The following CREB1 variants were observed in gnomAD, a reference collection of about 807,000 sequenced individuals.
CREB1 encodes the protein cyclic AMP-responsive element-binding protein 1.
A neutral mutation model predicts 42.0 loss-of-function variants in CREB1; 2 were observed. The observed-to-expected ratio is 0.05, with a 90% CI of 0.02 to 0.15. The LOEUF is 0.15. Among genes scored for constraint, CREB1 ranks in the 10% least tolerant of loss-of-function variants. The pLI is 1.00. For synonymous variants in CREB1, 123 were observed against 139.9 expected, an observed-to-expected ratio of 0.88 and a Z score of 0.85; for missense variants, 199 against 388.9, an observed-to-expected ratio of 0.51 and a Z score of 4.11.
At chr2:207,557,694 A>T (rs1175574735) in intron 2 of CREB1, among the ~76,000 whole-genome samples, 2 of 152,178 alleles carry the variant, frequency 1.3e-5, no homozygotes, top group African/African-American at 4.8e-5. Context: ...TTGAATGTAC[A>T]TGTGCCTTAA....
At chr2:207,544,931 G>A (rs1410499834) in intron 1 of CREB1, among the ~76,000 whole-genome samples, 1 of 152,148 alleles carries the variant, frequency 6.6e-6, no homozygotes, top group African/African-American at 2.4e-5. Flanking sequence ...GTATTTCATG[G>A]TGTGTATGTA....
At chr2:207,592,128 A>AT (rs1254696199) in intron 7 of CREB1, among the ~76,000 whole-genome samples, 2 of 152,202 alleles carry the variant, frequency 1.3e-5, no homozygotes, top group East Asian at 1.9e-4. Flanking sequence ...TGGGTTTATC[A>AT]TTTTTTTCTT....
chr2:207,543,286 C>G lies in CREB1; in HGVS notation c.-8-12342C>G, dbSNP rs760449935. On this transcript the variant is annotated intron_variant, in intron 1 of 7. Coordinates refer to ENST00000353267, the MANE Select transcript of CREB1 (RefSeq NM_004379.5). Reference sequence around the variant, plus strand: ...TCCACAGATGCTGAATCTTTGGATACAGAGGCCCAGTTGTAACTATGATCC... The same window carrying G: ...TCCACAGATGCTGAATCTTTGGATAGAGAGGCCCAGTTGTAACTATGATCC... Among the ~76,000 whole-genome samples, 3 of 152,076 alleles carry G rather than the reference C, an allele frequency of 2.0e-5. No individual in the cohort carries two copies. In the South Asian group the frequency reaches 6.2e-4, roughly 32 times the overall value.
chr2:207,557,079 A>G (rs1020707484), intron 2 of CREB1, among the ~76,000 whole-genome samples: 3 of 152,132 alleles, frequency 2.0e-5, no homozygotes, highest in African/African-American at 2.4e-5. Context: ...CAGAGGTTGC[A>G]GTGAACTGAG....
intron 7 of CREB1, among the ~76,000 whole-genome samples, chr2:207,582,585 A>G (rs1574912517): frequency 6.6e-6 from 1 of 152,040 alleles, no homozygotes; most frequent in Non-Finnish European, 1.5e-5. Context: ...CTTTTTAAGC[A>G]CATCTTTACT....
At chr2:207,543,893 G>A (rs1314171515) in intron 1 of CREB1, among the ~76,000 whole-genome samples, 3 of 149,476 alleles carry the variant, frequency 2.0e-5, no homozygotes, top group Non-Finnish European at 4.5e-5. Flanking sequence ...CGTGAGCCAC[G>A]GCGCCCAGCC....
chr2:207,604,444 A>G lies in CREB1; in HGVS notation c.*7386A>G, dbSNP rs2087707571. Among the ~76,000 whole-genome samples, 1 of 151,040 alleles carries G rather than the reference A, an allele frequency of 6.6e-6. No individual in the cohort carries two copies. ...GGAAACCTAGAAAAGCACTACCTTA[A>G]TCAGTGTTATCCTTCTTCTTAACTG... On this transcript the variant is annotated 3_prime_UTR_variant, in exon 8 of 8. Transcript: ENST00000353267.
At chr2:207,544,340 T>C (rs2081218374) in intron 1 of CREB1, among the ~76,000 whole-genome samples, 2 of 152,244 alleles carry the variant, frequency 1.3e-5, no homozygotes, top group South Asian at 4.1e-4. Context: ...TTACCATAAA[T>C]AGGCAGCTAT....
intron 2 of CREB1, among the ~76,000 whole-genome samples, chr2:207,556,497 A>C (rs942210998): frequency 2.0e-5 from 3 of 152,194 alleles, no homozygotes; most frequent in Admixed American, 2.0e-4. Context: ...ATGTAGCTTC[A>C]GTTTCTCCAA....
Position 207,600,853 on chromosome 2 carries a change from A to C in CREB1, c.*3795A>C, listed in dbSNP as rs1575064473. The C allele has an allele frequency of 4.9e-6, 1 of 205,110 alleles. No homozygotes were observed. The highest frequency in any genetic ancestry group is 7.4e-5 in the East Asian group (1 of 13,428). 12.7% of individuals were successfully genotyped at this position (205,110 alleles called of 1,614,324 possible). A position where few individuals can be genotyped will look rare whatever the true frequency, so the allele number is the denominator to read the frequency against. ...TGGGGTGACATGTGGAATCATACAA[A>C]GGCTTAGGAAGAAATACGTTTGTTT... On this transcript the variant is annotated 3_prime_UTR_variant, in exon 8 of 8. Transcript: ENST00000353267.
chr2:207,557,642 A>C (rs895858907), intron 2 of CREB1, among the ~76,000 whole-genome samples: 2 of 152,224 alleles, frequency 1.3e-5, no homozygotes, highest in Non-Finnish European at 2.9e-5. Context: ...TGGGTGACAG[A>C]GCGAGACTCC....
Position 207,602,986 on chromosome 2 carries a change from CT to C in CREB1, c.*5933del. On this transcript the variant is annotated 3_prime_UTR_variant, in exon 8 of 8. Coordinates refer to ENST00000353267, the MANE Select transcript of CREB1 (RefSeq NM_004379.5). ...GGGAAGTTCCTAGAAAGGTGTTTGG[CT>C]TTTTGGTTTTTGAGGGTTGGGGTAA... is the stretch of plus-strand genomic sequence containing the variant. The C allele has an allele frequency of 4.7e-6, 1 of 214,180 alleles. No individual in the cohort carries two copies. The highest frequency in any genetic ancestry group is 6.9e-5 in the East Asian group (1 of 14,406). The allele number at this position is 214,180 out of a possible 1,614,324, so 13.3% of individuals were successfully genotyped here. A position where few individuals can be genotyped will look rare whatever the true frequency, so the allele number is the denominator to read the frequency against.
intron 7 of CREB1, among the ~76,000 whole-genome samples, chr2:207,593,750 C>T (rs72958127): frequency 0.015 from 1,870 of 122,266 alleles, 18 homozygotes; most frequent in Non-Finnish European, 0.023. Flanking sequence ...GAGACGGAAA[C>T]ACCTATCACC....
intron 3 of CREB1, among the ~76,000 whole-genome samples, chr2:207,567,217 G>A (rs749149531): frequency 2.7e-4 from 41 of 151,808 alleles, no homozygotes; most frequent in Non-Finnish European, 5.0e-4. Flanking sequence ...ATGCATTCAG[G>A]ATTGATTACA....
chr2:207,583,670 T>TA (rs1324769563), intron 7 of CREB1, among the ~76,000 whole-genome samples: 3 of 152,220 alleles, frequency 2.0e-5, no homozygotes, highest in Non-Finnish European at 4.4e-5. Flanking sequence ...CCTAAGTTTT[T>TA]ATCCTTAAAT....
In CREB1 at chr2:207,603,631, G is replaced by T. The variant is rs1036513744; in HGVS notation, c.*6573G>T. Among the ~76,000 whole-genome samples, 1 of 152,154 alleles carries T rather than the reference G, an allele frequency of 6.6e-6. No individual in the cohort carries two copies. The highest frequency in any genetic ancestry group is 6.5e-5 in the Admixed American group (1 of 15,278). On this transcript the variant is annotated 3_prime_UTR_variant, in exon 8 of 8. Coordinates refer to ENST00000353267, the MANE Select transcript of CREB1 (RefSeq NM_004379.5). ...CAGGACAAAACCTGTTTTTCAATAA[G>T]ATTGAACAGTGCCTATTTGTGGATT... is the stretch of plus-strand genomic sequence containing the variant.
At chr2:207,557,899 G>C (rs2081794468) in intron 2 of CREB1, among the ~76,000 whole-genome samples, 1 of 152,134 alleles carries the variant, frequency 6.6e-6, no homozygotes, top group Non-Finnish European at 1.5e-5. Context: ...AGAAGACTCA[G>C]GAAAGAGAAC....
chr2:207,580,624 CA>C, intron 7 of CREB1: 1 of 217,790 alleles, frequency 4.6e-6, no homozygotes, highest in Non-Finnish European at 9.2e-6. Context: ...GATTGTAATC[CA>C]AAAAATTCAT....
At chr2:207,531,653 T>A (rs1293817775) in intron 1 of CREB1, among the ~76,000 whole-genome samples, 1 of 152,222 alleles carries the variant, frequency 6.6e-6, no homozygotes, top group Non-Finnish European at 1.5e-5. Flanking sequence ...ATTTCGTGAT[T>A]TAAAAGTAAA....
Sources: allele counts gnomAD v4.1 joint callset (sites outside exome capture counted in the v4.1 genomes callset), GRCh38; gene constraint gnomAD v4.1.1; transcripts MANE v1.5; gene names NCBI Gene and HGNC (gene_info 2026-07-23, HGNC 2026-07-21).